The following MYO1D variants were observed in gnomAD, a reference collection of about 807,000 sequenced individuals.
MYO1D encodes the protein myosin ID, also known as unconventional myosin-Id.
Under a neutral mutation model 122.0 loss-of-function variants are expected in MYO1D, and 83 were observed. The observed-to-expected ratio is 0.68, with a 90% CI of 0.57 to 0.82. The LOEUF is 0.82. MYO1D is among the 40% of genes least tolerant of loss of function. The probability of loss-of-function intolerance (pLI) is 0.00; values close to 1 mark genes in which losing one functional copy is unlikely to be tolerated. For synonymous variants in MYO1D, 464 were observed against 446.9 expected (o/e 1.04, Z -0.48); for missense variants, 1,157 against 1,269.5 (o/e 0.91, Z 1.35).
intron 20 of MYO1D, among the ~76,000 whole-genome samples, chr17:32,618,322 T>C (rs1164319581): frequency 6.6e-6 from 1 of 152,218 alleles, no homozygotes; most frequent in African/African-American, 2.4e-5. Flanking sequence ...TATCATTGAT[T>C]GACAAGGGCT....
chr17:32,858,815 G>A (rs2091047729), intron 1 of MYO1D, among the ~76,000 whole-genome samples: 1 of 152,158 alleles, frequency 6.6e-6, no homozygotes, highest in African/African-American at 2.4e-5. Flanking sequence ...GTTTATGTAA[G>A]TATGGACTCA....
chr17:32,666,952 G>A (rs1597987529), intron 16 of MYO1D, among the ~76,000 whole-genome samples: 1 of 152,164 alleles, frequency 6.6e-6, no homozygotes, highest in African/African-American at 2.4e-5. Context: ...GGGGATCTTC[G>A]AGATGTCCAT....
intron 20 of MYO1D, among the ~76,000 whole-genome samples, chr17:32,620,292 G>C (rs2150924961): frequency 6.6e-6 from 1 of 152,324 alleles, no homozygotes; most frequent in East Asian, 1.9e-4. Context: ...TTTACTGCCA[G>C]GTGAGGGTGG....
At chr17:32,570,390 A>G (rs1228158115) in intron 21 of MYO1D, among the ~76,000 whole-genome samples, 2 of 151,574 alleles carry the variant, frequency 1.3e-5, no homozygotes, top group South Asian at 2.1e-4. Context: ...TTTGAGACAG[A>G]GTCTCGCTGT....
At chr17:32,801,922 C>T (rs1332193898) in intron 1 of MYO1D, among the ~76,000 whole-genome samples, 1 of 152,172 alleles carries the variant, frequency 6.6e-6, no homozygotes, top group Non-Finnish European at 1.5e-5. Flanking sequence ...CAGACATGTC[C>T]AAAGGATACT....
intron 10 of MYO1D, among the ~76,000 whole-genome samples, chr17:32,759,035 G>T (rs537242769): frequency 1.3e-5 from 2 of 152,232 alleles, no homozygotes; most frequent in African/African-American, 4.8e-5. Context: ...CAAGTTTTAT[G>T]ATTAAATTTG....
chr17:32,707,703 G>A (rs1292236655), intron 16 of MYO1D, among the ~76,000 whole-genome samples: 1 of 152,208 alleles, frequency 6.6e-6, no homozygotes, highest in Non-Finnish European at 1.5e-5. Flanking sequence ...TAAGTAATAA[G>A]ATTGGTTTAC....
At position 32,811,616 on chromosome 17, in the gene MYO1D, C is replaced by CTTTTTTTTT. The variant is rs755189217; in HGVS notation, c.96-30841_96-30833dup. On this transcript the variant is annotated intron_variant, in intron 1 of 21. Coordinates refer to ENST00000318217, the MANE Select transcript of MYO1D (RefSeq NM_015194.3). ...ACATTTATCTCCCAACCCTCACCCT[C>CTTTTTTTTT]TTTTTTTTTTTTTTTTTTTTTTTTT... is the stretch of plus-strand genomic sequence containing the variant. 7.0e-5 allele frequency among the ~76,000 whole-genome samples: 4 copies of CTTTTTTTTT among 57,502 alleles called. 1 individual carries two copies. The highest frequency in any genetic ancestry group is 1.5e-3 in the South Asian group (2 of 1,328). The allele number at this position is 57,502 out of a possible 152,430, so 37.7% of individuals were successfully genotyped here.
At chr17:32,716,061 T>C (rs1282647282) in intron 15 of MYO1D, among the ~76,000 whole-genome samples, 1 of 152,012 alleles carries the variant, frequency 6.6e-6, no homozygotes, top group Non-Finnish European at 1.5e-5. Flanking sequence ...TCTAAAAAGC[T>C]TGAAATCATT....
intron 19 of MYO1D, among the ~76,000 whole-genome samples, chr17:32,647,606 T>C (rs2088313372): frequency 6.6e-6 from 1 of 152,082 alleles, no homozygotes; most frequent in Non-Finnish European, 1.5e-5. Flanking sequence ...GATACTAAAG[T>C]GTACTAGATA....
intron 20 of MYO1D, among the ~76,000 whole-genome samples, chr17:32,622,749 A>G (rs1189948879): frequency 6.6e-5 from 10 of 152,228 alleles, no homozygotes; most frequent in Non-Finnish European, 1.3e-4. Context: ...GCAAGGGGGC[A>G]AAGAGCAGTT....
At chr17:32,675,156 T>C (rs2088788957) in intron 16 of MYO1D, among the ~76,000 whole-genome samples, 2 of 152,202 alleles carry the variant, frequency 1.3e-5, no homozygotes, top group Admixed American at 1.3e-4. Flanking sequence ...GGAATACAAC[T>C]GTGTTATTTG....
intron 14 of MYO1D, among the ~76,000 whole-genome samples, chr17:32,725,954 G>A (rs541932623): frequency 1.4e-4 from 21 of 152,334 alleles, no homozygotes; most frequent in African/African-American, 5.1e-4. Flanking sequence ...TATCTTTGAA[G>A]TGCCAAAAGA....
intron 13 of MYO1D, among the ~76,000 whole-genome samples, chr17:32,743,607 A>G (rs1457191355): frequency 6.7e-6 from 1 of 149,480 alleles, no homozygotes; most frequent in East Asian, 2.0e-4. Flanking sequence ...TATTATTATT[A>G]TTATTGTTAT....
At chr17:32,510,877 T>C (rs1470671535) in intron 21 of MYO1D, 1 of 151,888 alleles carries the variant, frequency 6.6e-6, no homozygotes, top group Non-Finnish European at 1.5e-5. Context: ...AAATTAATAC[T>C]TTATGCCAGG....
At chr17:32,857,937 T>C (rs1011607492) in intron 1 of MYO1D, among the ~76,000 whole-genome samples, 1 of 152,254 alleles carries the variant, frequency 6.6e-6, no homozygotes, top group African/African-American at 2.4e-5. Context: ...GAACGAATTA[T>C]ATGTAGTCCT....
intron 14 of MYO1D, among the ~76,000 whole-genome samples, chr17:32,722,179 A>G (rs748674151): frequency 2.0e-5 from 3 of 152,250 alleles, no homozygotes; most frequent in Non-Finnish European, 4.4e-5. Context: ...CTCCGATAGT[A>G]CATTTATCAT....
At chr17:32,502,282 A>G (rs1909342277) in intron 21 of MYO1D, among the ~76,000 whole-genome samples, 2 of 152,248 alleles carry the variant, frequency 1.3e-5, no homozygotes, top group African/African-American at 4.8e-5. Flanking sequence ...ACCTTGAAAC[A>G]TGATGCTAAG....
intron 21 of MYO1D, among the ~76,000 whole-genome samples, chr17:32,547,673 G>A (rs1352539964): frequency 1.3e-5 from 2 of 152,204 alleles, no homozygotes; most frequent in South Asian, 2.1e-4. Context: ...GTAGCTCAGC[G>A]CAGTGGGTCA....
Sources: gnomAD v4.1 joint callset for allele counts (sites outside exome capture counted in the v4.1 genomes callset) on GRCh38, gnomAD v4.1.1 for gene constraint, MANE v1.5 for transcripts, NCBI Gene and HGNC (gene_info 2026-07-23, HGNC 2026-07-21) for gene names.